CDH23: variants seen among roughly 807,000 people sequenced by gnomAD.
CDH23 encodes cadherin related 23.
A neutral mutation model predicts 317.1 loss-of-function variants in CDH23; 189 were observed. The ratio of observed to expected loss-of-function variants is 0.60; its 90% CI spans 0.53 to 0.67. CDH23 has a LOEUF of 0.67. CDH23 is among the 30% of genes least tolerant of loss of function. The pLI is 0.00. For missense variants in CDH23, 4,401 were observed against 4,592.4 expected (o/e 0.96, Z 1.20); for synonymous variants, 1,839 against 1,876.8 (o/e 0.98, Z 0.52).
At chr10:71,773,712 G>A (rs368261392) in intron 38 of CDH23, among the ~76,000 whole-genome samples, 1 of 152,280 alleles carries the variant, frequency 6.6e-6, no homozygotes, top group East Asian at 1.9e-4. Context: ...CCACTTGATC[G>A]GCAGTTTAAA....
rs143322381 is a variant in CDH23, at chr10:71,462,750, C to A, written c.145+16355C>A. Among the ~76,000 whole-genome samples, 111 of 152,354 alleles carry A rather than the reference C, an allele frequency of 7.3e-4. No individual in the cohort carries two copies. In the East Asian group the frequency reaches 0.014, roughly 20 times the overall value. The stretch of plus-strand genomic sequence containing the variant: ...ACCAGGTGCTCAGTGATCAGGATGG[C>A]AACTCCTGTTGTACCTGGGAAGCCG... On this transcript the variant is annotated intron_variant, in intron 3 of 69. Coordinates refer to ENST00000224721, the MANE Select transcript of CDH23 (RefSeq NM_022124.6).
chr10:71,525,762 C>T (rs1855005067), intron 6 of CDH23, among the ~76,000 whole-genome samples: 1 of 152,176 alleles, frequency 6.6e-6, no homozygotes, highest in Non-Finnish European at 1.5e-5. Flanking sequence ...ATCCGTGACC[C>T]TCCTGGGAAA....
chr10:71,678,775 C>T (rs1864482148), intron 16 of CDH23, among the ~76,000 whole-genome samples: 1 of 152,180 alleles, frequency 6.6e-6, no homozygotes, highest in Non-Finnish European at 1.5e-5. Flanking sequence ...GATCCCTGGC[C>T]CCACTCCAGG....
At position 71,703,544 on chromosome 10, in the gene CDH23, G is replaced by A. The variant is rs140388173; in HGVS notation, c.2733+850G>A. The stretch of plus-strand genomic sequence containing the variant: ...CTTGGACACAGGAAACACAGTAGCT[G>A]TGGTGATCACTGTGTGTCGGTCACG... On this transcript the variant is annotated intron_variant, in intron 24 of 69. Transcript: ENST00000224721. Among the ~76,000 whole-genome samples the A allele has an allele frequency of 6.0e-4, 91 of 152,358 alleles. 1 individual carries two copies. Among genetic ancestry groups the A allele is most frequent in the Middle Eastern group, 3.4e-3 (1 of 294 alleles).
At chr10:71,414,121 C>T (rs1049792951) in intron 1 of CDH23, among the ~76,000 whole-genome samples, 2 of 149,590 alleles carry the variant, frequency 1.3e-5, no homozygotes, top group African/African-American at 4.9e-5. Context: ...ATCATGTCTT[C>T]TGCAAAGAGA....
rs1564779098 is a variant in CDH23, at chr10:71,759,844, C to CATAT, written c.4846-17835_4846-17834insTATA. ...ATACACACACACACACACACACACA[C>CATAT]ACATATACACACACACACACATATA... On this transcript the variant is annotated intron_variant, in intron 38 of 69. Coordinates refer to ENST00000224721, the MANE Select transcript of CDH23 (RefSeq NM_022124.6). Among the ~76,000 whole-genome samples the CATAT allele has an allele frequency of 4.8e-3, 120 of 24,942 alleles. 15 individuals are homozygous for CATAT. The highest frequency in any genetic ancestry group is 0.034 in the East Asian group (21 of 624). 16.4% of individuals were successfully genotyped at this position (24,942 alleles called of 152,430 possible).
chr10:71,631,299 G>A (rs1370961365), intron 11 of CDH23, among the ~76,000 whole-genome samples: 2 of 152,222 alleles, frequency 1.3e-5, no homozygotes, highest in African/African-American at 4.8e-5. Flanking sequence ...ACTTGGGAAA[G>A]GGATGTGGAT....
chr10:71,645,436 C>T (rs553232877), intron 12 of CDH23, among the ~76,000 whole-genome samples: 4 of 152,352 alleles, frequency 2.6e-5, no homozygotes, highest in East Asian at 3.9e-4. Flanking sequence ...CTTCTCTTCT[C>T]TCCACTCCCC....
intron 6 of CDH23, among the ~76,000 whole-genome samples, chr10:71,544,798 A>G (rs1856182706): frequency 6.6e-6 from 1 of 152,194 alleles, no homozygotes; most frequent in African/African-American, 2.4e-5. Context: ...AACTCTCCCC[A>G]CCTTCAAAGG....
intron 3 of CDH23, among the ~76,000 whole-genome samples, chr10:71,502,505 C>T (rs1248246285): frequency 3.9e-5 from 6 of 152,194 alleles, no homozygotes; most frequent in Admixed American, 1.3e-4. Context: ...ATTTGCCAAG[C>T]GTGTCCCAGA....
intron 38 of CDH23, among the ~76,000 whole-genome samples, chr10:71,770,042 C>T (rs537151314): frequency 3.3e-5 from 5 of 152,288 alleles, no homozygotes; most frequent in African/African-American, 9.6e-5. Flanking sequence ...GGTAGCTGGA[C>T]GCAGCCCATG....
At chr10:71,466,635 G>A (rs978131838) in intron 3 of CDH23, among the ~76,000 whole-genome samples, 3 of 152,162 alleles carry the variant, frequency 2.0e-5, no homozygotes, top group East Asian at 1.9e-4. Context: ...GTGTATGTGC[G>A]AGTGTATCTT....
At chr10:71,571,747 G>A (rs549859065) in intron 8 of CDH23, among the ~76,000 whole-genome samples, 1 of 152,246 alleles carries the variant, frequency 6.6e-6, no homozygotes, top group African/African-American at 2.4e-5. Flanking sequence ...AGGGAACAGC[G>A]TTTGGGGAAA....
intron 3 of CDH23, among the ~76,000 whole-genome samples, chr10:71,498,015 G>C (rs1853071049): frequency 6.6e-6 from 1 of 152,194 alleles, no homozygotes; most frequent in South Asian, 2.1e-4. Context: ...ATGACCCGGA[G>C]GTTGGAGTGG....
intron 22 of CDH23, among the ~76,000 whole-genome samples, chr10:71,701,074 C>T (rs911438391): frequency 6.6e-6 from 1 of 152,184 alleles, no homozygotes; most frequent in Admixed American, 6.5e-5. Context: ...TTGTCCACCC[C>T]TGGTGCCACA....
At chr10:71,449,659 CAG>C in intron 3 of CDH23, among the ~76,000 whole-genome samples, 1 of 152,324 alleles carries the variant, frequency 6.6e-6, no homozygotes, top group South Asian at 2.1e-4. Context: ...TTTTAAGAAT[CAG>C]AGGTAGAGTT....
At chr10:71,573,136 G>A (rs1468502862) in intron 8 of CDH23, among the ~76,000 whole-genome samples, 3 of 152,208 alleles carry the variant, frequency 2.0e-5, no homozygotes, top group Non-Finnish European at 4.4e-5. Context: ...AAAACACACA[G>A]CAAGTGCTGC....
At chr10:71,419,680 C>T (rs1170199304) in intron 1 of CDH23, among the ~76,000 whole-genome samples, 1 of 152,166 alleles carries the variant, frequency 6.6e-6, no homozygotes, top group Non-Finnish European at 1.5e-5. Flanking sequence ...TCTATCTATT[C>T]ACTTCCCATC....
At chr10:71,809,765 G>C in intron 60 of CDH23, 55 bp from the exon 61 acceptor site, 2 of 1,582,978 alleles carry the variant, frequency 1.3e-6, no homozygotes, top group South Asian at 2.3e-5. Flanking sequence ...GCCCCTTCCT[G>C]GGGATTCGGG....
Sources: allele counts gnomAD v4.1 joint callset (sites outside exome capture counted in the v4.1 genomes callset), GRCh38; gene constraint gnomAD v4.1.1; transcripts MANE v1.5; gene names NCBI Gene and HGNC (gene_info 2026-07-23, HGNC 2026-07-21).